The following CCDC126 variants were observed in gnomAD, a reference collection of about 807,000 sequenced individuals.
CCDC126 encodes the protein coiled-coil domain-containing protein 126.
A neutral mutation model predicts 11.7 loss-of-function variants in CCDC126; 5 were observed. The ratio of observed to expected loss-of-function variants is 0.43; its 90% CI spans 0.22 to 0.90. The LOEUF (loss-of-function observed/expected upper bound fraction) is 0.90. Among genes scored for constraint, CCDC126 ranks in the 40% least tolerant of loss-of-function variants. CCDC126 has a pLI of 0.27. For missense variants in CCDC126, 150 were observed against 163.1 expected, an observed-to-expected ratio of 0.92 and a Z score of 0.44; for synonymous variants, 60 against 61.9, an observed-to-expected ratio of 0.97 and a Z score of 0.14.
chr7:23,634,403 C>G (rs570486766), intron 3 of CCDC126, among the ~76,000 whole-genome samples: 1 of 152,170 alleles, frequency 6.6e-6, no homozygotes, highest in African/African-American at 2.4e-5. Flanking sequence ...TGCAGTGAGC[C>G]ATGATTGTGC....
intron 3 of CCDC126, among the ~76,000 whole-genome samples, chr7:23,613,226 G>C (rs938463045): frequency 1.3e-5 from 2 of 152,068 alleles, no homozygotes; most frequent in Non-Finnish European, 2.9e-5. Flanking sequence ...TGGGACAACT[G>C]CTTGAGCCTG....
At chr7:23,609,166 G>A (rs1782666415) in intron 2 of CCDC126, among the ~76,000 whole-genome samples, 1 of 152,088 alleles carries the variant, frequency 6.6e-6, no homozygotes, top group African/African-American at 2.4e-5. Flanking sequence ...CCAGCTGTGT[G>A]ACTTCTAAAC....
chr7:23,629,993 A>G (rs1026683051), intron 3 of CCDC126, among the ~76,000 whole-genome samples: 3 of 152,238 alleles, frequency 2.0e-5, no homozygotes, highest in Non-Finnish European at 2.9e-5. Flanking sequence ...CCCAATCGGG[A>G]TAAACCCATG....
chr7:23,641,047 A>T (rs1427810243), intron 3 of CCDC126, among the ~76,000 whole-genome samples: 1 of 142,174 alleles, frequency 7.0e-6, no homozygotes, highest in African/African-American at 2.6e-5. Context: ...TTCCTAGGTC[A>T]CATGGCAATT....
Position 23,644,523 on chromosome 7 carries a change from A to G in CCDC126, c.*1408A>G, listed in dbSNP as rs1783425987. 1 of 152,552 alleles carries G rather than the reference A, an allele frequency of 6.6e-6. No individual in the cohort carries two copies. Among genetic ancestry groups the G allele is most frequent in the South Asian group, 2.1e-4 (1 of 4,836 alleles). The allele number at this position is 152,552 out of a possible 1,614,324, so 9.4% of individuals were successfully genotyped here. A position where few individuals can be genotyped will look rare whatever the true frequency, so the allele number is the denominator to read the frequency against. ...AAATAAATATGTGAAATATTGTTTCATGAAAGACAGATTTCCAAATCTCTC... is the reference window on the plus strand; with the variant it reads ...AAATAAATATGTGAAATATTGTTTCGTGAAAGACAGATTTCCAAATCTCTC... On this transcript the variant is annotated 3_prime_UTR_variant, in exon 4 of 4. Coordinates refer to ENST00000307471, the MANE Select transcript of CCDC126 (RefSeq NM_138771.4).
intron 2 of CCDC126, among the ~76,000 whole-genome samples, chr7:23,610,302 C>G (rs936345571): frequency 1.3e-5 from 2 of 152,194 alleles, no homozygotes; most frequent in Non-Finnish European, 2.9e-5. Flanking sequence ...CCCTTAACCT[C>G]TCAGGCTCAA....
chr7:23,635,419 CATATA>C (rs1783192667), intron 3 of CCDC126, among the ~76,000 whole-genome samples: 1 of 152,122 alleles, frequency 6.6e-6, no homozygotes, highest in African/African-American at 2.4e-5. Context: ...TATGGATGCA[CATATA>C]ATATTAATAC....
At chr7:23,640,451 C>G (rs778023033) in intron 3 of CCDC126, among the ~76,000 whole-genome samples, 1 of 150,986 alleles carries the variant, frequency 6.6e-6, no homozygotes, top group East Asian at 2.0e-4. Context: ...GAGCCGAGAT[C>G]GCGCCATTGC....
intron 2 of CCDC126, among the ~76,000 whole-genome samples, chr7:23,609,660 G>GGT (rs1782673947): frequency 6.6e-6 from 1 of 152,090 alleles, no homozygotes; most frequent in Non-Finnish European, 1.5e-5. Context: ...TTGAGTTCAG[G>GGT]AGTTCGAGAC....
intron 3 of CCDC126, among the ~76,000 whole-genome samples, chr7:23,611,865 C>A (rs190800862): frequency 1.3e-5 from 2 of 152,112 alleles, no homozygotes; most frequent in Admixed American, 1.3e-4. Context: ...TGTTGGAGGC[C>A]GGGCGTGATG....
chr7:23,621,872 C>T (rs1782908323), intron 3 of CCDC126, among the ~76,000 whole-genome samples: 1 of 152,092 alleles, frequency 6.6e-6, no homozygotes, highest in Non-Finnish European at 1.5e-5. Context: ...TGTTTATATG[C>T]TGGATTATGT....
At chr7:23,606,100 C>T (rs1420515579) in intron 2 of CCDC126, among the ~76,000 whole-genome samples, 1 of 151,926 alleles carries the variant, frequency 6.6e-6, no homozygotes, top group Non-Finnish European at 1.5e-5. Context: ...GCTCTGTCGC[C>T]CAGGCTGGAG....
chr7:23,622,636 A>G, intron 3 of CCDC126: 1 of 535,826 alleles, frequency 1.9e-6, no homozygotes. Context: ...CCAAGGATCC[A>G]AGGTTTGTAC....
chr7:23,627,264 C>T (rs944949450), intron 3 of CCDC126, among the ~76,000 whole-genome samples: 1 of 152,036 alleles, frequency 6.6e-6, no homozygotes, highest in Non-Finnish European at 1.5e-5. Flanking sequence ...ACCTGTAATC[C>T]CACCACTCTG....
rs143789286 is a variant in CCDC126 at position 23,615,660 on chromosome 7, C to T, written c.238+4107C>T. On this transcript the variant is annotated intron_variant, in intron 3 of 3. Coordinates refer to ENST00000307471, the MANE Select transcript of CCDC126 (RefSeq NM_138771.4). Reference sequence around the variant, plus strand: ...TTCCTTACACTTGAACACTTAGAAGCCATTGTAGGGTTATTAATTGGCCTA... The same window carrying T: ...TTCCTTACACTTGAACACTTAGAAGTCATTGTAGGGTTATTAATTGGCCTA... 9.1e-3 allele frequency among the ~76,000 whole-genome samples: 1,388 copies of T among 152,228 alleles called. 25 individuals carry two copies. Among genetic ancestry groups the T allele is most frequent in the African/African-American group, 0.031 (1,297 of 41,532 alleles).
intron 3 of CCDC126, among the ~76,000 whole-genome samples, chr7:23,620,522 G>T (rs1172359972): frequency 4.6e-5 from 7 of 151,896 alleles, no homozygotes; most frequent in Non-Finnish European, 8.8e-5. Flanking sequence ...CTCCCATTTT[G>T]TAGGTTGCCT....
rs1329150276 is a variant in CCDC126, at chr7:23,644,635, C to T, written c.*1520C>T. On this transcript the variant is annotated 3_prime_UTR_variant, in exon 4 of 4. Transcript: ENST00000307471. ...GAAGTTTGGAATAATTGTTTAGTCT[C>T]TCCTATTAGATGTGGACATTTTTGT... is the stretch of plus-strand genomic sequence containing the variant. 6.6e-6 allele frequency: 1 copy of T among 152,422 alleles called. No individual in the cohort carries two copies. The highest frequency in any genetic ancestry group is 6.5e-5 in the Admixed American group (1 of 15,268). The allele number at this position is 152,422 out of a possible 1,614,324, so 9.4% of individuals were successfully genotyped here.
intron 3 of CCDC126, among the ~76,000 whole-genome samples, chr7:23,621,211 G>A (rs891431848): frequency 2.0e-5 from 3 of 152,188 alleles, no homozygotes; most frequent in African/African-American, 7.2e-5. Flanking sequence ...CTATCCATGA[G>A]CATGGAATGT....
At chr7:23,641,803 G>GT (rs1783362361) in intron 3 of CCDC126, among the ~76,000 whole-genome samples, 1 of 152,176 alleles carries the variant, frequency 6.6e-6, no homozygotes, top group Non-Finnish European at 1.5e-5. Context: ...TTACAAAGAG[G>GT]TTAGAAGATA....
Sources: gnomAD v4.1 joint callset for allele counts (sites outside exome capture counted in the v4.1 genomes callset) on GRCh38, gnomAD v4.1.1 for gene constraint, MANE v1.5 for transcripts, NCBI Gene and HGNC (gene_info 2026-07-23, HGNC 2026-07-21) for gene names.